The following FRMPD4 variants were observed in gnomAD, a reference collection of about 807,000 sequenced individuals.
FRMPD4 encodes the protein FERM and PDZ domain containing 4.
A neutral mutation model predicts 94.1 loss-of-function variants in FRMPD4; 22 were observed. The ratio of observed to expected loss-of-function variants is 0.23; its 90% CI spans 0.17 to 0.33. The LOEUF is 0.33. Among genes scored for constraint, FRMPD4 ranks in the 10% least tolerant of loss-of-function variants. FRMPD4 has a pLI of 1.00. For synonymous variants in FRMPD4, 631 were observed against 548.6 expected (o/e 1.15, Z -2.10); for missense variants, 1,111 against 1,339.9 (o/e 0.83, Z 2.67).
chrX:12,216,347 G>GTTCCCAGTGT (rs1720590903), intron 1 of FRMPD4, among the ~76,000 whole-genome samples: 1 of 111,357 alleles, frequency 9.0e-6, no homozygotes, highest in South Asian at 3.8e-4. Flanking sequence ...TAGGGTCTGG[G>GTTCCCAGTGT]TTCCCAGTGT....
intron 1 of FRMPD4, among the ~76,000 whole-genome samples, chrX:11,834,665 C>T (rs2053492168): frequency 9.0e-6 from 1 of 110,998 alleles, no homozygotes; most frequent in Admixed American, 9.6e-5. Flanking sequence ...TGTTTTTATC[C>T]AGATGAATAT....
chrX:12,498,258 A>T (rs747840262), intron 1 of FRMPD4, among the ~76,000 whole-genome samples: 1 of 111,757 alleles, frequency 8.9e-6, no homozygotes, highest in South Asian at 3.8e-4. Context: ...AAGTATGGTT[A>T]AGGTCTGAGG....
chrX:12,602,648 G>A (rs747856504), intron 2 of FRMPD4, among the ~76,000 whole-genome samples: 6 of 112,089 alleles, frequency 5.4e-5, no homozygotes, highest in Non-Finnish European at 1.1e-4. Flanking sequence ...CCCAAATTCA[G>A]TGTCATAAAA....
At chrX:12,065,767 A>C (rs1451830334) in intron 3 of FRMPD4, among the ~76,000 whole-genome samples, 1 of 112,027 alleles carries the variant, frequency 8.9e-6, no homozygotes. Context: ...TGGTTTTTAT[A>C]CCTTGAAGGA....
chrX:11,891,702 C>G (rs1316960552), intron 3 of FRMPD4, among the ~76,000 whole-genome samples: 2 of 111,928 alleles, frequency 1.8e-5, no homozygotes, highest in African/African-American at 6.5e-5. Context: ...GAGTTCTCAT[C>G]TGGAAAAATG....
intron 2 of FRMPD4, among the ~76,000 whole-genome samples, chrX:11,869,305 T>TGGCTTA (rs2053742832): frequency 8.9e-6 from 1 of 112,283 alleles, no homozygotes; most frequent in African/African-American, 3.2e-5. Flanking sequence ...ATTCATTATG[T>TGGCTTA]GGCTTAGTAC....
intron 3 of FRMPD4, among the ~76,000 whole-genome samples, chrX:11,946,303 A>T (rs925336766): frequency 1.8e-5 from 2 of 111,745 alleles, no homozygotes; most frequent in African/African-American, 6.5e-5. Context: ...ATATATGGCT[A>T]TGGAAATCCA....
chrX:12,012,101 A>G (rs759183690), intron 3 of FRMPD4, among the ~76,000 whole-genome samples: 1 of 110,862 alleles, frequency 9.0e-6, no homozygotes, highest in East Asian at 2.8e-4. Context: ...GGGTTTCACC[A>G]TGTTGGCCAG....
intron 3 of FRMPD4, among the ~76,000 whole-genome samples, chrX:12,049,239 T>G (rs962908627): frequency 5.4e-5 from 6 of 111,704 alleles, no homozygotes; most frequent in East Asian, 2.8e-4. Flanking sequence ...TTTTATTTTT[T>G]TGTGTGGCTG....
intron 1 of FRMPD4, among the ~76,000 whole-genome samples, chrX:12,318,925 G>A (rs948806873): frequency 2.7e-5 from 3 of 110,627 alleles, no homozygotes; most frequent in South Asian, 3.9e-4. Context: ...GGAAAGCACC[G>A]GGAATTTTTA....
At chrX:12,671,010 G>C (rs902973740) in intron 4 of FRMPD4, among the ~76,000 whole-genome samples, 40 of 112,537 alleles carry the variant, frequency 3.6e-4, no homozygotes, top group Admixed American at 7.5e-4. Context: ...GGTCATTAGA[G>C]AAATGCAAAT....
chrX:12,568,086 C>G (rs1395355919), intron 2 of FRMPD4, among the ~76,000 whole-genome samples: 1 of 111,266 alleles, frequency 9.0e-6, no homozygotes, highest in Admixed American at 9.6e-5. Flanking sequence ...AAAAAATCAG[C>G]CTTGAATGGG....
At chrX:12,225,225 C>T in intron 1 of FRMPD4, among the ~76,000 whole-genome samples, 1 of 112,165 alleles carries the variant, frequency 8.9e-6, no homozygotes, top group Non-Finnish European at 1.9e-5. Flanking sequence ...ATAAAACCTC[C>T]TTAAGTAAAC....
chrX:11,879,173 T>G lies in FRMPD4; in HGVS notation c.95+1155T>G, dbSNP rs1319178021. Among the ~76,000 whole-genome samples the G allele has an allele frequency of 4.5e-5, 5 of 112,034 alleles. No individual in the cohort carries two copies. The Admixed American group carries it at 4.7e-4, about 11-fold the overall frequency. ...CACAAAAAAGTCTGACATTTGGAACTAGCTACTGTGATCCCCAAAAGCTGT... is the reference window on the plus strand; with the variant it reads ...CACAAAAAAGTCTGACATTTGGAACGAGCTACTGTGATCCCCAAAAGCTGT... On this transcript the variant is annotated intron_variant, in intron 3 of 18. Transcript: ENST00000640291.
chrX:12,679,046 C>T (rs2059934104), intron 5 of FRMPD4, among the ~76,000 whole-genome samples: 1 of 112,330 alleles, frequency 8.9e-6, no homozygotes, highest in Non-Finnish European at 1.9e-5. Flanking sequence ...CTACACACCT[C>T]CTCATGGAAA....
intron 1 of FRMPD4, among the ~76,000 whole-genome samples, chrX:12,393,522 G>A (rs2056504520): frequency 8.9e-6 from 1 of 111,977 alleles, no homozygotes. Context: ...GTAAAGAACT[G>A]TAAATTTCTA....
intron 1 of FRMPD4, among the ~76,000 whole-genome samples, chrX:11,845,674 A>C (rs1305529666): frequency 2.7e-5 from 3 of 110,592 alleles, no homozygotes; most frequent in African/African-American, 9.9e-5. Flanking sequence ...CAAAAAGCTT[A>C]TCCACAATGA....
chrX:12,597,540 G>C (rs2059043306), intron 2 of FRMPD4, among the ~76,000 whole-genome samples: 1 of 112,290 alleles, frequency 8.9e-6, no homozygotes, highest in Admixed American at 9.4e-5. Context: ...CTGGAAAAAT[G>C]TATCAGTCTA....
intron 1 of FRMPD4, among the ~76,000 whole-genome samples, chrX:11,858,301 C>G (rs2053664478): frequency 1.8e-5 from 2 of 111,686 alleles, no homozygotes; most frequent in African/African-American, 6.5e-5. Context: ...TGGAATCAAC[C>G]TAAGAGCCCA....
Sources: gnomAD v4.1 joint callset for allele counts (sites outside exome capture counted in the v4.1 genomes callset) on GRCh38, gnomAD v4.1.1 for gene constraint, MANE v1.5 for transcripts, NCBI Gene and HGNC (gene_info 2026-07-23, HGNC 2026-07-21) for gene names.